The following DTNA variants were observed in gnomAD, a reference collection of about 807,000 sequenced individuals.
DTNA encodes dystrophin-related protein 3.
Under a neutral mutation model 100.7 loss-of-function variants are expected in DTNA, and 43 were observed. The ratio of observed to expected loss-of-function variants is 0.43; its 90% CI spans 0.33 to 0.55. DTNA has a LOEUF of 0.55. DTNA is among the 20% of genes least tolerant of loss of function. The pLI, the probability that DTNA is intolerant of heterozygous loss-of-function variation, is 0.04. For missense variants in DTNA, 798 were observed against 953.9 expected, an observed-to-expected ratio of 0.84 and a Z score of 2.15; for synonymous variants, 349 against 347.9, an observed-to-expected ratio of 1.00 and a Z score of -0.04.
At position 34,654,106 on chromosome 18, in the gene DTNA, G is replaced by A. The variant is rs191262013; in HGVS notation, c.-1-101870G>A. Among the ~76,000 whole-genome samples, 296 of 152,308 alleles carry A rather than the reference G, an allele frequency of 1.9e-3. 2 individuals carry two copies. The highest frequency in any genetic ancestry group is 6.9e-3 in the African/African-American group (285 of 41,572). ...TGGATTTATTTATAGGACTTGGGTG[G>A]TCTCAGTAATTCACCTGGTGAGCTT... is the stretch of plus-strand genomic sequence containing the variant. On this transcript the variant is annotated intron_variant, in intron 1 of 19. Coordinates refer to the DTNA transcript ENST00000283365.
At chr18:34,570,856 G>A (rs1598647807) in intron 1 of DTNA, among the ~76,000 whole-genome samples, 1 of 152,112 alleles carries the variant, frequency 6.6e-6, no homozygotes, top group Non-Finnish European at 1.5e-5. Flanking sequence ...ATACCAGGTT[G>A]GAAGCTTTGA....
At chr18:34,820,010 A>C (rs1032819509) in intron 8 of DTNA, among the ~76,000 whole-genome samples, 2 of 146,628 alleles carry the variant, frequency 1.4e-5, no homozygotes, top group African/African-American at 2.5e-5. Context: ...CAAAAACCGC[A>C]ATTGCTTTTG....
chr18:34,854,753 A>G (rs1314479006), intron 15 of DTNA, among the ~76,000 whole-genome samples: 1 of 152,216 alleles, frequency 6.6e-6, no homozygotes, highest in African/African-American at 2.4e-5. Flanking sequence ...GGAAGGGACC[A>G]CAGCTGGGAT....
At chr18:34,496,585 T>C (rs1363518775) in intron 1 of DTNA, among the ~76,000 whole-genome samples, 1 of 152,272 alleles carries the variant, frequency 6.6e-6, no homozygotes, top group East Asian at 1.9e-4. Flanking sequence ...ACAGAGCCTC[T>C]TTTTTCCAGG....
In DTNA at chr18:34,705,090, C is replaced by A. The variant is rs12607180; in HGVS notation, c.-1-50886C>A. 3.9e-4 allele frequency among the ~76,000 whole-genome samples: 60 copies of A among 152,228 alleles called. 1 individual carries two copies. In the East Asian group the frequency reaches 0.011, roughly 28 times the overall value. On this transcript the variant is annotated intron_variant, in intron 1 of 19. Coordinates refer to the DTNA transcript ENST00000283365. ...AAAAGGCCATAAAAGAACTCAGAGG[C>A]CATAAAAGAGCCATAATAATTTTAT... is the stretch of plus-strand genomic sequence containing the variant.
chr18:34,576,674 G>C (rs1221346812), intron 1 of DTNA, among the ~76,000 whole-genome samples: 2 of 152,068 alleles, frequency 1.3e-5, no homozygotes, highest in African/African-American at 4.8e-5. Flanking sequence ...GCCCAGGCTG[G>C]TCTCGAATTC....
intron 1 of DTNA, among the ~76,000 whole-genome samples, chr18:34,751,317 C>T (rs2092297796): frequency 6.6e-6 from 1 of 152,250 alleles, no homozygotes; most frequent in Non-Finnish European, 1.5e-5. Context: ...TCACTGGACT[C>T]TTCCGTTAGT....
At position 34,889,860 on chromosome 18, in the gene DTNA, G is replaced by A. The variant is rs2096954435; in HGVS notation, c.*2126G>A. The A allele has an allele frequency of 1.0e-6, 1 of 995,248 alleles. No individual in the cohort carries two copies. Among genetic ancestry groups the A allele is most frequent in the South Asian group, 4.5e-5 (1 of 21,984 alleles). The allele number at this position is 995,248 out of a possible 1,614,324, so 61.7% of individuals were successfully genotyped here. A position where few individuals can be genotyped will look rare whatever the true frequency, so the allele number is the denominator to read the frequency against. On this transcript the variant is annotated 3_prime_UTR_variant, in exon 23 of 23. Coordinates refer to ENST00000444659, the MANE Select transcript of DTNA (RefSeq NM_001386795.1). ...TTGCACAGATTGATTTTTATTGCGG[G>A]TTTTGTTGGGGTGTCTTAATGTTCA...
chr18:34,640,329 G>A (rs747206490), intron 1 of DTNA, among the ~76,000 whole-genome samples: 1 of 152,102 alleles, frequency 6.6e-6, no homozygotes, highest in Non-Finnish European at 1.5e-5. Context: ...TGAAAGACAG[G>A]CATCCATAGA....
intron 11 of DTNA, among the ~76,000 whole-genome samples, chr18:34,831,489 C>T (rs527266137): frequency 1.3e-4 from 20 of 152,264 alleles, no homozygotes; most frequent in African/African-American, 4.1e-4. Flanking sequence ...ATTAGATGGC[C>T]GGGCAAGGTG....
chr18:34,879,065 T>C lies in DTNA; in HGVS notation c.1994-486T>C, dbSNP rs924412843. Among the ~76,000 whole-genome samples the C allele has an allele frequency of 2.6e-5, 4 of 152,242 alleles. 1 individual carries two copies. The highest frequency in any genetic ancestry group is 5.9e-5 in the Non-Finnish European group (4 of 68,048). On this transcript the variant is annotated intron_variant, in intron 19 of 22. Transcript: ENST00000444659. The stretch of plus-strand genomic sequence containing the variant: ...GCAAATGATGAGTACAAAGTTATTC[T>C]TGGTGTAGAAGTCTTAAGTACTGTT...
At chr18:34,781,137 G>A (rs1448806529) in intron 3 of DTNA, among the ~76,000 whole-genome samples, 1 of 152,180 alleles carries the variant, frequency 6.6e-6, no homozygotes, top group Non-Finnish European at 1.5e-5. Context: ...AGGAGAAAGA[G>A]GCAGGGCCAA....
At chr18:34,527,228 G>A (rs1160366328) in intron 1 of DTNA, among the ~76,000 whole-genome samples, 1 of 151,928 alleles carries the variant, frequency 6.6e-6, no homozygotes, top group African/African-American at 2.4e-5. Context: ...CTAAAAGAGT[G>A]CAACAGTAAA....
intron 1 of DTNA, among the ~76,000 whole-genome samples, chr18:34,582,395 G>C (rs1169796799): frequency 6.6e-6 from 1 of 152,182 alleles, no homozygotes; most frequent in Non-Finnish European, 1.5e-5. Flanking sequence ...CACATGCTCA[G>C]AGCTTGGTTA....
At chr18:34,833,503 T>C (rs931865933) in intron 11 of DTNA, among the ~76,000 whole-genome samples, 1 of 152,026 alleles carries the variant, frequency 6.6e-6, no homozygotes, top group African/African-American at 2.4e-5. Flanking sequence ...AAGGAAGTGG[T>C]GAGAAGCCAG....
intron 4 of DTNA, among the ~76,000 whole-genome samples, chr18:34,803,730 T>A (rs2149212620): frequency 6.6e-6 from 1 of 152,328 alleles, no homozygotes; most frequent in East Asian, 1.9e-4. Context: ...TACTTCCAGT[T>A]ATCCATGTAA....
At chr18:34,780,124 T>G (rs1007944786) in intron 3 of DTNA, among the ~76,000 whole-genome samples, 13 of 152,086 alleles carry the variant, frequency 8.5e-5, no homozygotes, top group Non-Finnish European at 1.8e-4. Context: ...TATAACATAT[T>G]TAAATAAATT....
At chr18:34,580,638 G>A (rs531542474) in intron 1 of DTNA, among the ~76,000 whole-genome samples, 7 of 152,260 alleles carry the variant, frequency 4.6e-5, no homozygotes, top group East Asian at 1.9e-4. Flanking sequence ...AGATGTCTGC[G>A]TACTTAAAGC....
At chr18:34,508,638 C>CCTGAATA (rs1430572188) in intron 1 of DTNA, among the ~76,000 whole-genome samples, 3 of 152,004 alleles carry the variant, frequency 2.0e-5, no homozygotes, top group African/African-American at 7.2e-5. Flanking sequence ...GGCTTCCAGC[C>CCTGAATA]CTGAATATGA....
Sources: allele counts gnomAD v4.1 joint callset (sites outside exome capture counted in the v4.1 genomes callset), GRCh38; gene constraint gnomAD v4.1.1; transcripts MANE v1.5; gene names NCBI Gene and HGNC (gene_info 2026-07-23, HGNC 2026-07-21).